Variants in CDKAL1 observed in about 807,000 individuals in gnomAD.
CDKAL1 encodes threonylcarbamoyladenosine tRNA methylthiotransferase.
Under a neutral mutation model 68.2 loss-of-function variants are expected in CDKAL1, and 32 were observed. That is an observed-to-expected ratio of 0.47 (90% CI 0.35 to 0.63). The LOEUF is 0.63. Ranked by LOEUF, CDKAL1 falls within the 30% of genes least tolerant of loss-of-function variation. The pLI, the probability that CDKAL1 is intolerant of heterozygous loss-of-function variation, is 0.00. For synonymous variants in CDKAL1, 234 were observed against 244.3 expected, an observed-to-expected ratio of 0.96 and a Z score of 0.39; for missense variants, 606 against 696.7, an observed-to-expected ratio of 0.87 and a Z score of 1.47.
At chr6:21,082,154 T>TG (rs1314814296) in intron 12 of CDKAL1, among the ~76,000 whole-genome samples, 1 of 152,214 alleles carries the variant, frequency 6.6e-6, no homozygotes, top group African/African-American at 2.4e-5. Flanking sequence ...AAAAATGTAC[T>TG]GTACTAGTTA....
intron 5 of CDKAL1, among the ~76,000 whole-genome samples, chr6:20,655,172 G>A (rs185713967): frequency 2.3e-4 from 35 of 152,286 alleles, no homozygotes; most frequent in African/African-American, 8.2e-4. Context: ...TGCCTGCACA[G>A]TATGTACTTT....
intron 9 of CDKAL1, among the ~76,000 whole-genome samples, chr6:20,930,196 G>A (rs1468814138): frequency 2.0e-5 from 3 of 151,776 alleles, no homozygotes; most frequent in African/African-American, 7.3e-5. Flanking sequence ...GTCAGTTGAA[G>A]TAGTTTCCAG....
chr6:20,808,796 A>G (rs1220252531), intron 8 of CDKAL1, among the ~76,000 whole-genome samples: 1 of 152,148 alleles, frequency 6.6e-6, no homozygotes, highest in Non-Finnish European at 1.5e-5. Context: ...CGTTCACAAA[A>G]TAAGTATATT....
chr6:21,003,371 T>TATATATATATATATATATAGAC, intron 11 of CDKAL1, among the ~76,000 whole-genome samples: 1 of 49,304 alleles, frequency 2.0e-5, no homozygotes. Flanking sequence ...TATATATATA[T>TATATATATATATATATATAGAC]ACACACACAC....
intron 9 of CDKAL1, among the ~76,000 whole-genome samples, chr6:20,878,940 AT>A (rs1012521814): frequency 1.3e-5 from 2 of 150,192 alleles, no homozygotes; most frequent in Non-Finnish European, 3.0e-5. Flanking sequence ...TTAGTCAGGC[AT>A]GGTGGCGGGC....
chr6:21,220,201 CGTGTGT>C (rs144863478), intron 15 of CDKAL1, among the ~76,000 whole-genome samples: 3 of 150,142 alleles, frequency 2.0e-5, no homozygotes, highest in Admixed American at 6.7e-5. Flanking sequence ...TGCGTGCGTG[CGTGTGT>C]GTGTGTGTGT....
chr6:20,998,985 G>A (rs1401536785), intron 10 of CDKAL1, among the ~76,000 whole-genome samples: 1 of 152,186 alleles, frequency 6.6e-6, no homozygotes, highest in Non-Finnish European at 1.5e-5. Flanking sequence ...TGATCCGTAT[G>A]CATGACTAAC....
At chr6:21,184,691 C>G (rs939515422) in intron 13 of CDKAL1, among the ~76,000 whole-genome samples, 37 of 152,212 alleles carry the variant, frequency 2.4e-4, no homozygotes, top group African/African-American at 8.4e-4. Context: ...TCACTCTGTT[C>G]CCAGGCTGGA....
chr6:21,003,344 A>ATG (rs1767535279), intron 11 of CDKAL1, among the ~76,000 whole-genome samples: 1 of 21,626 alleles, frequency 4.6e-5, no homozygotes, highest in Admixed American at 7.1e-4. Context: ...TCTCTACTAA[A>ATG]TATATATATA....
At chr6:20,852,624 G>GATTA (rs1203238851) in intron 9 of CDKAL1, among the ~76,000 whole-genome samples, 1 of 152,224 alleles carries the variant, frequency 6.6e-6, no homozygotes, top group Non-Finnish European at 1.5e-5. Context: ...AATAAGCTAA[G>GATTA]ATTAATCGCT....
intron 13 of CDKAL1, among the ~76,000 whole-genome samples, chr6:21,154,263 C>T (rs1384854932): frequency 6.6e-6 from 1 of 152,194 alleles, no homozygotes; most frequent in Non-Finnish European, 1.5e-5. Context: ...TTTTTATGTG[C>T]ATGCTTTAAA....
intron 5 of CDKAL1, among the ~76,000 whole-genome samples, chr6:20,694,054 G>GTATA (rs1554181924): frequency 6.3e-5 from 5 of 79,122 alleles, no homozygotes; most frequent in African/African-American, 2.7e-4. Context: ...GTGTGTGTGT[G>GTATA]TGTGTGTATG....
chr6:21,225,964 A>G (rs1488677981), intron 15 of CDKAL1, among the ~76,000 whole-genome samples: 1 of 152,210 alleles, frequency 6.6e-6, no homozygotes, highest in African/African-American at 2.4e-5. Flanking sequence ...AAACCCTATG[A>G]TGCACAAATA....
intron 5 of CDKAL1, among the ~76,000 whole-genome samples, chr6:20,735,879 A>T (rs1480446527): frequency 6.6e-6 from 1 of 152,182 alleles, no homozygotes; most frequent in Non-Finnish European, 1.5e-5. Flanking sequence ...ATCCTATAGA[A>T]ATGTTTGTAC....
intron 13 of CDKAL1, among the ~76,000 whole-genome samples, chr6:21,139,520 T>C (rs1775794301): frequency 6.6e-6 from 1 of 152,094 alleles, no homozygotes; most frequent in Admixed American, 6.5e-5. Context: ...CTTTCTTGCC[T>C]TTTTTTCCCC....
At chr6:20,863,928 C>G (rs1759773429) in intron 9 of CDKAL1, among the ~76,000 whole-genome samples, 1 of 152,132 alleles carries the variant, frequency 6.6e-6, no homozygotes, top group South Asian at 2.1e-4. Context: ...CTTGAAATAA[C>G]TTATATGCAA....
intron 5 of CDKAL1, among the ~76,000 whole-genome samples, chr6:20,657,541 A>G (rs947642870): frequency 2.6e-5 from 4 of 152,046 alleles, no homozygotes; most frequent in African/African-American, 9.7e-5. Flanking sequence ...GTTTCTCTTG[A>G]GCCACCACAC....
chr6:20,804,181 A>G (rs147670960), intron 8 of CDKAL1, among the ~76,000 whole-genome samples: 57 of 152,368 alleles, frequency 3.7e-4, no homozygotes, highest in African/African-American at 1.3e-3. Flanking sequence ...CTATTAAGTC[A>G]TTCAGTAAAA....
chr6:20,841,271 A>G (rs1778163938), intron 8 of CDKAL1, among the ~76,000 whole-genome samples: 1 of 152,192 alleles, frequency 6.6e-6, no homozygotes, highest in African/African-American at 2.4e-5. Flanking sequence ...GTTTTTGCAT[A>G]TTCAGGTTAT....
Sources: allele counts gnomAD v4.1 joint callset (sites outside exome capture counted in the v4.1 genomes callset), GRCh38; gene constraint gnomAD v4.1.1; transcripts MANE v1.5; gene names NCBI Gene and HGNC (gene_info 2026-07-23, HGNC 2026-07-21).